Variants in NRXN1 observed in about 807,000 individuals in gnomAD.
NRXN1 encodes neurexin 1, also known as neurexin-1.
In NRXN1, 39 loss-of-function variants were observed where a neutral mutation model predicts 150.9. That is an observed-to-expected ratio of 0.26 (90% CI 0.20 to 0.34). The LOEUF (loss-of-function observed/expected upper bound fraction) is 0.34. Among genes scored for constraint, NRXN1 ranks in the 10% least tolerant of loss-of-function variants. NRXN1 has a pLI of 1.00. For missense variants in NRXN1, 1,815 were observed against 1,949.9 expected (o/e 0.93, Z 1.30); for synonymous variants, 924 against 757.0 (o/e 1.22, Z -3.62).
intron 21 of NRXN1, among the ~76,000 whole-genome samples, chr2:50,042,278 G>A (rs969046298): frequency 3.3e-5 from 5 of 152,126 alleles, no homozygotes; most frequent in African/African-American, 1.2e-4. Context: ...ATCCCCATGT[G>A]CCACGGGAGG....
At chr2:50,283,948 C>G (rs1432724007) in intron 17 of NRXN1, among the ~76,000 whole-genome samples, 1 of 152,150 alleles carries the variant, frequency 6.6e-6, no homozygotes, top group Non-Finnish European at 1.5e-5. Flanking sequence ...CTCTCCTTCC[C>G]TCATTCTCTT....
chr2:50,066,252 A>G (rs1004175843), intron 19 of NRXN1, among the ~76,000 whole-genome samples: 2 of 152,206 alleles, frequency 1.3e-5, no homozygotes, highest in African/African-American at 2.4e-5. Flanking sequence ...ACATCAATAC[A>G]TCACATGGAT....
rs142923853 is a variant in NRXN1 at position 50,265,682 on chromosome 2, A to C, written c.3365-28712T>G. Among the ~76,000 whole-genome samples, 267 of 152,260 alleles carry C rather than the reference A, an allele frequency of 1.8e-3. 1 individual carries two copies. Among genetic ancestry groups the C allele is most frequent in the African/African-American group, 6.2e-3 (259 of 41,568 alleles). ...TCTTCAGGTACCAATTTACTTTATC[A>C]AGTTTTCACCTTATAAAAACAGAGG... On this transcript the variant is annotated intron_variant, in intron 17 of 22. Transcript: ENST00000401669.
intron 2 of NRXN1, among the ~76,000 whole-genome samples, chr2:51,027,101 T>C (rs1289881046): frequency 6.6e-6 from 1 of 152,192 alleles, no homozygotes. Flanking sequence ...CTTGTTTGCA[T>C]CTTAAGGGCA....
At chr2:50,972,331 C>T (rs555782217) in intron 2 of NRXN1, among the ~76,000 whole-genome samples, 2 of 152,092 alleles carry the variant, frequency 1.3e-5, no homozygotes, top group Admixed American at 6.5e-5. Flanking sequence ...TTTATTGTGG[C>T]TTTGATCTAC....
At chr2:50,429,600 T>C (rs1316768716) in intron 17 of NRXN1, among the ~76,000 whole-genome samples, 1 of 151,988 alleles carries the variant, frequency 6.6e-6, no homozygotes, top group Non-Finnish European at 1.5e-5. Flanking sequence ...TAAAAATAGA[T>C]CCAAGAGAAA....
intron 17 of NRXN1, among the ~76,000 whole-genome samples, chr2:50,374,092 A>AATT (rs2153022742): frequency 6.6e-6 from 1 of 150,670 alleles, no homozygotes; most frequent in Admixed American, 6.6e-5. Context: ...TCATCTCAGG[A>AATT]CTAGCCTGGG....
intron 18 of NRXN1, among the ~76,000 whole-genome samples, chr2:50,221,363 G>A (rs2063873737): frequency 6.6e-6 from 1 of 151,972 alleles, no homozygotes; most frequent in Admixed American, 6.6e-5. Context: ...CATCTGTTCA[G>A]CTATTAAACC....
intron 18 of NRXN1, among the ~76,000 whole-genome samples, chr2:50,224,304 T>C (rs1380590654): frequency 6.6e-6 from 1 of 151,962 alleles, no homozygotes; most frequent in African/African-American, 2.4e-5. Context: ...ATGATTTTGG[T>C]CAATTTATTT....
chr2:50,168,232 T>C (rs1041139974), intron 18 of NRXN1, among the ~76,000 whole-genome samples: 1 of 152,176 alleles, frequency 6.6e-6, no homozygotes, highest in Non-Finnish European at 1.5e-5. Context: ...TTGCAAATAC[T>C]GGACTGTGGA....
chr2:50,917,923 T>C (rs181526435), intron 5 of NRXN1: 1 of 151,706 alleles, frequency 6.6e-6, no homozygotes. Flanking sequence ...AAATCTATTA[T>C]AAGAGTAAGT....
chr2:50,821,198 C>T (rs993129377), intron 5 of NRXN1, among the ~76,000 whole-genome samples: 2 of 152,176 alleles, frequency 1.3e-5, no homozygotes, highest in South Asian at 2.1e-4. Flanking sequence ...GTCCAACCCA[C>T]GGCCCACAGG....
intron 2 of NRXN1, among the ~76,000 whole-genome samples, chr2:50,967,798 A>G (rs1408646273): frequency 6.6e-6 from 1 of 151,856 alleles, no homozygotes; most frequent in Non-Finnish European, 1.5e-5. Context: ...AACCTGCACC[A>G]TTTCTAAGGT....
intron 21 of NRXN1, chr2:49,970,080 G>C (rs1158622816): frequency 1.3e-5 from 2 of 152,018 alleles, no homozygotes; most frequent in Admixed American, 1.3e-4. Flanking sequence ...ATGATAAATA[G>C]TTTTTGTCTT....
intron 2 of NRXN1, among the ~76,000 whole-genome samples, chr2:50,968,172 C>T (rs766309122): frequency 6.6e-6 from 1 of 152,078 alleles, no homozygotes; most frequent in Non-Finnish European, 1.5e-5. Context: ...TTCTCTTTGA[C>T]TGTCTCCTGC....
chr2:50,805,231 A>T (rs1244807202), intron 5 of NRXN1, among the ~76,000 whole-genome samples: 1 of 152,218 alleles, frequency 6.6e-6, no homozygotes, highest in African/African-American at 2.4e-5. Context: ...GTAAAAAAAA[A>T]AGTATTGGGA....
intron 13 of NRXN1, among the ~76,000 whole-genome samples, chr2:50,504,202 T>C (rs1418157021): frequency 2.1e-5 from 3 of 144,656 alleles, no homozygotes; most frequent in Admixed American, 2.1e-4. Context: ...AGGGGAAAAA[T>C]GCTTATTGCG....
intron 18 of NRXN1, among the ~76,000 whole-genome samples, chr2:50,111,913 C>G (rs1474429234): frequency 1.3e-5 from 2 of 152,078 alleles, no homozygotes; most frequent in Non-Finnish European, 2.9e-5. Flanking sequence ...ACACTAACTT[C>G]AATGCAACGT....
chr2:50,965,092 G>A (rs12713127), intron 2 of NRXN1, among the ~76,000 whole-genome samples: 151,481 of 151,484 alleles, frequency 1, 75,739 homozygotes, highest in Middle Eastern at 1. Context: ...TATGAGTGTC[G>A]CAACCATTCT....
Sources: gnomAD v4.1 joint callset for allele counts (sites outside exome capture counted in the v4.1 genomes callset) on GRCh38, gnomAD v4.1.1 for gene constraint, MANE v1.5 for transcripts, NCBI Gene and HGNC (gene_info 2026-07-23, HGNC 2026-07-21) for gene names.